Variants in GABRA1 observed in about 807,000 individuals in gnomAD.
The protein encoded by GABRA1 is gamma-aminobutyric acid type A receptor subunit alpha1.
A neutral mutation model predicts 48.9 loss-of-function variants in GABRA1; 9 were observed. The ratio of observed to expected loss-of-function variants is 0.18; its 90% CI spans 0.11 to 0.32. The LOEUF is 0.32. Ranked by LOEUF, GABRA1 falls within the 10% of genes least tolerant of loss-of-function variation. The pLI is 1.00. For missense variants in GABRA1, 285 were observed against 553.8 expected (o/e 0.51, Z 4.87); for synonymous variants, 210 against 198.7 (o/e 1.06, Z -0.48).
At chr5:161,873,991 A>C (rs1043526722) in intron 5 of GABRA1, among the ~76,000 whole-genome samples, 1 of 152,196 alleles carries the variant, frequency 6.6e-6, no homozygotes, top group Non-Finnish European at 1.5e-5. Flanking sequence ...TATATAGAAA[A>C]AAAGAGATGT....
In GABRA1 at chr5:161,898,552, C is replaced by A; in HGVS notation, c.*1130C>A. ...GCTATGGAAATACATTTAGAACCTG[C>A]ATTTAAGAACAGAACAGCAAGTATG... On this transcript the variant is annotated 3_prime_UTR_variant, in exon 10 of 10. Transcript: ENST00000393943. 1 of 152,144 alleles carries A rather than the reference C, an allele frequency of 6.6e-6. No homozygotes were observed. The highest frequency in any genetic ancestry group is 1.9e-4 in the East Asian group (1 of 5,194). 9.4% of individuals were successfully genotyped at this position (152,144 alleles called of 1,614,324 possible).
intron 5 of GABRA1, among the ~76,000 whole-genome samples, chr5:161,874,530 C>T (rs535259791): frequency 2.0e-4 from 30 of 152,224 alleles, no homozygotes; most frequent in South Asian, 6.2e-4. Flanking sequence ...TGAGGAGAGA[C>T]TTGCATATCC....
At chr5:161,849,631 A>G (rs913504030) in intron 1 of GABRA1, among the ~76,000 whole-genome samples, 1 of 152,224 alleles carries the variant, frequency 6.6e-6, no homozygotes, top group African/African-American at 2.4e-5. Context: ...GGCATACCAC[A>G]TTAAACTATA....
intron 8 of GABRA1, among the ~76,000 whole-genome samples, chr5:161,894,555 C>A (rs889118215): frequency 6.6e-6 from 1 of 152,134 alleles, no homozygotes; most frequent in African/African-American, 2.4e-5. Context: ...TAGCAGAGGT[C>A]ATAGAGCTAA....
At chr5:161,886,866 T>C (rs1293306565) in intron 7 of GABRA1, among the ~76,000 whole-genome samples, 5 of 152,102 alleles carry the variant, frequency 3.3e-5, no homozygotes, top group Non-Finnish European at 7.4e-5. Context: ...TCATTTCTAC[T>C]TGATGTGTCA....
chr5:161,893,176 T>G (rs1030007413), intron 8 of GABRA1, among the ~76,000 whole-genome samples: 1 of 152,000 alleles, frequency 6.6e-6, no homozygotes, highest in Non-Finnish European at 1.5e-5. Flanking sequence ...CTCTTTTGAT[T>G]TGAAAATTAT....
At chr5:161,887,301 T>A (rs1156424368) in intron 7 of GABRA1, among the ~76,000 whole-genome samples, 1 of 152,128 alleles carries the variant, frequency 6.6e-6, no homozygotes, top group Non-Finnish European at 1.5e-5. Flanking sequence ...AGGGTCAAGA[T>A]AATAAGAAAA....
chr5:161,876,178 C>T (rs1179764337), intron 6 of GABRA1, among the ~76,000 whole-genome samples: 1 of 140,294 alleles, frequency 7.1e-6, no homozygotes, highest in African/African-American at 2.9e-5. Flanking sequence ...TATCTCATGG[C>T]ATTCATATAT....
chr5:161,855,647 AT>A (rs144806178), intron 3 of GABRA1, among the ~76,000 whole-genome samples: 10 of 151,266 alleles, frequency 6.6e-5, no homozygotes, highest in African/African-American at 1.5e-4. Context: ...TTGGCTTCAA[AT>A]TTTTTTTAAT....
intron 3 of GABRA1, among the ~76,000 whole-genome samples, chr5:161,858,543 C>T: frequency 6.6e-6 from 1 of 151,738 alleles, no homozygotes; most frequent in East Asian, 1.9e-4. Flanking sequence ...CACTGATGTA[C>T]AGTTTATCAC....
At chr5:161,864,917 T>G (rs1757995324) in intron 3 of GABRA1, among the ~76,000 whole-genome samples, 1 of 151,962 alleles carries the variant, frequency 6.6e-6, no homozygotes, top group South Asian at 2.1e-4. Flanking sequence ...AGATGAAAAT[T>G]ATAAAGTCAT....
At chr5:161,895,935 T>C (rs915683942) in intron 9 of GABRA1, 67 bp downstream of exon 9, 1 of 1,398,966 alleles carries the variant, frequency 7.1e-7, no homozygotes, top group South Asian at 1.2e-5. Context: ...AAATGAGATG[T>C]TTTGGCCTGT....
chr5:161,865,848 G>A (rs1581190474), intron 4 of GABRA1, 60 bp downstream of exon 4: 1 of 1,436,372 alleles, frequency 7.0e-7, no homozygotes, highest in African/African-American at 1.4e-5. Context: ...ACTTTTCAAA[G>A]AAAAATATAA....
At chr5:161,881,676 T>A (rs1025799055) in intron 6 of GABRA1, 17 of 152,086 alleles carry the variant, frequency 1.1e-4, no homozygotes, top group African/African-American at 4.1e-4. Flanking sequence ...TAACAATAAT[T>A]TGGACCAAAG....
intron 9 of GABRA1, 49 bp from the exon 10 acceptor site, chr5:161,897,062 T>C: frequency 1.9e-6 from 3 of 1,570,078 alleles, no homozygotes; most frequent in Non-Finnish European, 8.8e-7. Flanking sequence ...CTTATAATTT[T>C]GCTTCTCACT....
chr5:161,850,617 G>A, intron 1 of GABRA1, 179 bp from the exon 2 acceptor site: 1 of 622,074 alleles, frequency 1.6e-6, no homozygotes. Flanking sequence ...ATGGAGAAAT[G>A]GAAGGGAAAG....
intron 7 of GABRA1, among the ~76,000 whole-genome samples, chr5:161,888,928 G>T (rs1341901461): frequency 6.6e-6 from 1 of 151,938 alleles, no homozygotes; most frequent in Non-Finnish European, 1.5e-5. Flanking sequence ...CTATATGAAG[G>T]TATTAAATAC....
chr5:161,861,159 T>G (rs377733130), intron 3 of GABRA1, among the ~76,000 whole-genome samples: 2 of 151,780 alleles, frequency 1.3e-5, no homozygotes, highest in East Asian at 3.9e-4. Flanking sequence ...TGCTACCCTG[T>G]GAATGTGAAA....
chr5:161,893,004 C>CAAAA (rs201136274), intron 8 of GABRA1, among the ~76,000 whole-genome samples: 8 of 33,962 alleles, frequency 2.4e-4, no homozygotes, highest in African/African-American at 1.2e-3. Context: ...GACTCCTTCT[C>CAAAA]AAAAAAATAA....
Sources: gnomAD v4.1 joint callset for allele counts (sites outside exome capture counted in the v4.1 genomes callset) on GRCh38, gnomAD v4.1.1 for gene constraint, MANE v1.5 for transcripts, NCBI Gene and HGNC (gene_info 2026-07-23, HGNC 2026-07-21) for gene names.